Variants in SELENOO observed in about 807,000 individuals in gnomAD.
SELENOO encodes the protein protein adenylyltransferase SelO, mitochondrial.
A neutral mutation model predicts 58.7 loss-of-function variants in SELENOO; 74 were observed. That is an observed-to-expected ratio of 1.26 (90% CI 1.04 to 1.53). The LOEUF (loss-of-function observed/expected upper bound fraction) is 1.53, where lower values mean the gene tolerates loss of function less well. Ranked by LOEUF, SELENOO falls within the 40% of genes most tolerant of loss-of-function variation. SELENOO has a pLI of 0.00. For missense variants in SELENOO, 1,149 were observed against 970.0 expected (o/e 1.18, Z -2.45); for synonymous variants, 543 against 453.2 (o/e 1.20, Z -2.52).
In SELENOO at chr22:50,201,406, T is replaced by A; in HGVS notation, c.370T>A (p.Phe124Ile). ...GGCCGAGGCCGAGGCCGCGCTGTTCTTCAGCGGCAACGCGCTCCTGCCGGG... is the reference window on the plus strand; with the variant it reads ...GGCCGAGGCCGAGGCCGCGCTGTTCATCAGCGGCAACGCGCTCCTGCCGGG... ...REAEAEAALF[F>I]SGNALLPGAE... Residue 124 changes from phenylalanine (F) to isoleucine (I), a missense_variant, in exon 1 of 9, where the codon TTC (phenylalanine) becomes ATC (isoleucine). Phe to Ile is a conservative substitution (Grantham distance 21). Coordinates refer to ENST00000380903, the MANE Select transcript of SELENOO (RefSeq NM_031454.2). 1 of 1,337,478 alleles carries A rather than the reference T, an allele frequency of 7.5e-7. No homozygotes were observed. Among genetic ancestry groups the A allele is most frequent in the African/African-American group, 1.5e-5 (1 of 65,240 alleles). The allele number at this position is 1,337,478 out of a possible 1,614,324, so 82.9% of individuals were successfully genotyped here.
intron 6 of SELENOO, 127 bp from the exon 7 acceptor site, chr22:50,216,541 AGTGGGGTTCCAGGGACCTCGGGG>A: frequency 2.8e-6 from 2 of 708,024 alleles, no homozygotes; most frequent in Non-Finnish European, 4.7e-6. Context: ...CATCCCTGCC[AGTGGGGTTCCAGGGACCTCGGGG>A]ACCGGGCTGC....
At position 50,217,489 on chromosome 22, in the gene SELENOO, C is replaced by T. The variant is rs576751322; in HGVS notation, c.*120C>T. 3.3e-4 allele frequency: 418 copies of T among 1,265,556 alleles called. 1 individual carries two copies. In the African/African-American group the frequency reaches 5.4e-3, roughly 16 times the overall value. 78.4% of individuals were successfully genotyped at this position (1,265,556 alleles called of 1,614,324 possible). ...GATTCTGCCCTGGCCCATGCACACC[C>T]GTCTTTCCATGATGGCAGAGACATC... On this transcript the variant is annotated 3_prime_UTR_variant, in exon 9 of 9. Coordinates refer to ENST00000380903, the MANE Select transcript of SELENOO (RefSeq NM_031454.2).
At chr22:50,213,221 T>G (rs144996731) in intron 5 of SELENOO, among the ~76,000 whole-genome samples, 38 of 150,732 alleles carry the variant, frequency 2.5e-4, no homozygotes, top group African/African-American at 9.0e-4. Context: ...CCACCACACC[T>G]AGCTAATTTT....
intron 3 of SELENOO, 129 bp downstream of exon 3, chr22:50,208,845 C>A: frequency 1.2e-6 from 1 of 837,654 alleles, no homozygotes; most frequent in Non-Finnish European, 1.8e-6. Context: ...TCTGAGCTCC[C>A]GCTCCTGTCC....
chr22:50,216,079 G>A (rs2064408133), intron 6 of SELENOO, among the ~76,000 whole-genome samples: 1 of 152,204 alleles, frequency 6.6e-6, no homozygotes, highest in Non-Finnish European at 1.5e-5. Flanking sequence ...TGACACAGGT[G>A]TGGGGGCAGA....
intron 2 of SELENOO, among the ~76,000 whole-genome samples, chr22:50,206,738 A>T (rs934379334): frequency 1.1e-4 from 17 of 152,174 alleles, no homozygotes; most frequent in African/African-American, 4.1e-4. Context: ...GGCATTTGGT[A>T]CTCAGTTAGG....
chr22:50,215,215 C>A (rs2064397256), intron 5 of SELENOO, among the ~76,000 whole-genome samples: 1 of 152,172 alleles, frequency 6.6e-6, no homozygotes, highest in African/African-American at 2.4e-5. Context: ...TCAACACTCG[C>A]TAGCTCCCAA....
At chr22:50,206,718 T>C (rs1326575489) in intron 2 of SELENOO, among the ~76,000 whole-genome samples, 198 bp downstream of exon 2, 1 of 152,220 alleles carries the variant, frequency 6.6e-6, no homozygotes, top group Non-Finnish European at 1.5e-5. Flanking sequence ...GGGAGGGATC[T>C]GAGTGCAAAG....
rs746141095 is a variant in SELENOO, at chr22:50,217,382, G to A, written c.*13G>A. On this transcript the variant is annotated 3_prime_UTR_variant, in exon 9 of 9. Coordinates refer to ENST00000380903, the MANE Select transcript of SELENOO (RefSeq NM_031454.2). Reference sequence around the variant, plus strand: ...ATGATCTTCGTAACGGCCTCGGCACGCTCCACACCCCTGGAGTCTCCCGAG... The same window carrying A: ...ATGATCTTCGTAACGGCCTCGGCACACTCCACACCCCTGGAGTCTCCCGAG... 76 of 1,611,896 alleles carry A rather than the reference G, an allele frequency of 4.7e-5. No individual in the cohort carries two copies. The highest frequency in any genetic ancestry group is 6.0e-5 in the Non-Finnish European group (71 of 1,179,702).
intron 5 of SELENOO, among the ~76,000 whole-genome samples, chr22:50,213,944 A>G (rs1444010815): frequency 1.3e-5 from 2 of 152,124 alleles, no homozygotes; most frequent in Non-Finnish European, 2.9e-5. Context: ...CACCGCTCCC[A>G]ACCCTAGATG....
Position 50,201,395 on chromosome 22 carries a change from C to T in SELENOO, c.359C>T (p.Ala120Val). The change falls in exon 1 of 9, where the codon GCC (alanine) becomes GTC (valine). Residue 120 changes from alanine (A) to valine (V), a missense_variant. Coordinates refer to ENST00000380903, the MANE Select transcript of SELENOO (RefSeq NM_031454.2). ...CCCGCGCGCGAGGCCGAGGCCGAGG[C>T]CGCGCTGTTCTTCAGCGGCAACGCG... is the stretch of plus-strand genomic sequence containing the variant. ...APPAREAEAE[A>V]ALFFSGNALL... 1.3e-5 allele frequency: 17 copies of T among 1,300,908 alleles called. No homozygotes were observed. Among genetic ancestry groups the T allele is most frequent in the Non-Finnish European group, 1.7e-5 (17 of 1,021,322 alleles). The allele number at this position is 1,300,908 out of a possible 1,614,324, so 80.6% of individuals were successfully genotyped here. A position where few individuals can be genotyped will look rare whatever the true frequency, so the allele number is the denominator to read the frequency against.
chr22:50,201,353 T>G lies in SELENOO; in HGVS notation c.317T>G (p.Leu106Arg), dbSNP rs1242917536. Residue 106 changes from leucine to arginine, a missense_variant, in exon 1 of 9, where the codon CTG (leucine) becomes CGG (arginine). Transcript: ENST00000380903. ...VALSEPALAL[L>R]GLGAPPAREA... is the part of the protein sequence containing the mutation. ...CTGTCAGAGCCCGCGCTGGCGTTGC[T>G]GGGCCTGGGCGCGCCGCCCGCGCGC... is the stretch of plus-strand genomic sequence containing the variant. The G allele has an allele frequency of 1.7e-6, 2 of 1,188,252 alleles. No individual in the cohort carries two copies. The highest frequency in any genetic ancestry group is 2.1e-6 in the Non-Finnish European group (2 of 961,702). The allele number at this position is 1,188,252 out of a possible 1,614,324, so 73.6% of individuals were successfully genotyped here.
intron 3 of SELENOO, among the ~76,000 whole-genome samples, chr22:50,209,720 C>T (rs1358791283): frequency 1.3e-5 from 2 of 152,186 alleles, no homozygotes; most frequent in Non-Finnish European, 1.5e-5. Context: ...TTGGGGGCTC[C>T]TGGCCCCCCT....
At chr22:50,207,099 T>C (rs1484888954) in intron 2 of SELENOO, among the ~76,000 whole-genome samples, 1 of 152,174 alleles carries the variant, frequency 6.6e-6, no homozygotes. Flanking sequence ...GGCTCCTGTC[T>C]GACGTGAGCC....
intron 5 of SELENOO, among the ~76,000 whole-genome samples, chr22:50,212,136 G>T (rs940383615): frequency 1.3e-5 from 2 of 152,230 alleles, no homozygotes; most frequent in East Asian, 3.8e-4. Context: ...TGTCAAGGTG[G>T]TGCTGGCCTC....
At chr22:50,210,968 A>G in intron 5 of SELENOO, 57 bp downstream of exon 5, 1 of 1,591,148 alleles carries the variant, frequency 6.3e-7, no homozygotes, top group Admixed American at 1.7e-5. Flanking sequence ...GTGCTTAGAG[A>G]TGGTTTACCT....
At chr22:50,209,730 T>C (rs1311693640) in intron 3 of SELENOO, among the ~76,000 whole-genome samples, 1 of 152,056 alleles carries the variant, frequency 6.6e-6, no homozygotes, top group East Asian at 1.9e-4. Flanking sequence ...CTGGCCCCCC[T>C]GTTGATTGGC....
At position 50,217,218 on chromosome 22, in the gene SELENOO, T is replaced by G; in HGVS notation, c.1859T>G (p.Leu620Arg). 1 of 1,611,180 alleles carries G rather than the reference T, an allele frequency of 6.2e-7. No individual in the cohort carries two copies. Among genetic ancestry groups the G allele is most frequent in the Non-Finnish European group, 8.5e-7 (1 of 1,179,094 alleles). Residue 620 changes from leucine (L) to arginine (R), a missense_variant, in exon 9 of 9, where the codon CTG (leucine) becomes CGG (arginine). Leu to Arg is a moderately radical substitution (Grantham distance 102, BLOSUM62 -2). Transcript: ENST00000380903. ...CTGATCCTCCAGGTGCGGCGGGTGC[T>G]GAAACTACTGGAGACCCCTTACCAC... Reference protein sequence around the residue: ...RGDFSEVRRVLKLLETPYHCE... With the variant: ...RGDFSEVRRVRKLLETPYHCE...
chr22:50,202,167 T>C (rs1459884856), intron 1 of SELENOO, among the ~76,000 whole-genome samples: 3 of 152,236 alleles, frequency 2.0e-5, no homozygotes, highest in African/African-American at 7.2e-5. Flanking sequence ...TCTTTTCTAC[T>C]AAACAATGTA....
Sources: gnomAD v4.1 joint callset for allele counts (sites outside exome capture counted in the v4.1 genomes callset) on GRCh38, gnomAD v4.1.1 for gene constraint, MANE v1.5 for transcripts, NCBI Gene and HGNC (gene_info 2026-07-23, HGNC 2026-07-21) for gene names.